Variants in RAD17 observed in about 807,000 individuals in gnomAD.
The protein encoded by RAD17 is RAD17 checkpoint clamp loader component.
Under a neutral mutation model 81.5 loss-of-function variants are expected in RAD17, and 31 were observed. That is an observed-to-expected ratio of 0.38 (90% CI 0.29 to 0.51). The LOEUF is 0.51. Ranked by LOEUF, RAD17 falls within the 20% of genes least tolerant of loss-of-function variation. RAD17 has a pLI of 0.88. For missense variants in RAD17, 681 were observed against 781.2 expected (o/e 0.87, Z 1.53); for synonymous variants, 261 against 266.2 (o/e 0.98, Z 0.19).
chr5:69,369,649 C>A (rs1416700213), upstream of RAD17: 1 of 1,561,124 alleles, frequency 6.4e-7, no homozygotes. Context: ...CCGCGGCCCA[C>A]TGGTTACCTG....
intron 6 of RAD17, among the ~76,000 whole-genome samples, chr5:69,380,723 A>G (rs1763801890): frequency 6.6e-6 from 1 of 151,204 alleles, no homozygotes; most frequent in Admixed American, 6.6e-5. Context: ...CACAACCTCT[A>G]GTCTCTCGTT....
Position 69,386,441 on chromosome 5 carries a change from A to G in RAD17, c.870A>G (p.Arg290=). ...APTIMMKFLN[R]IVTIEANKNG... is the part of the protein sequence containing the mutation. ...CAATTATGATGAAATTTCTTAATCGAATAGTGACTATAGAAGCTAACAAGG... is the reference window on the plus strand; with the variant it reads ...CAATTATGATGAAATTTCTTAATCGGATAGTGACTATAGAAGCTAACAAGG... Residue 290 remains arginine (R), a synonymous_variant, in exon 11 of 19, where the codon CGA becomes CGG. Transcript: ENST00000354868. 3 of 1,599,956 alleles carry G rather than the reference A, an allele frequency of 1.9e-6. No homozygotes were observed. The highest frequency in any genetic ancestry group is 2.6e-6 in the Non-Finnish European group (3 of 1,174,874).
chr5:69,385,977 T>C (rs962372611), intron 8 of RAD17, 66 bp from the exon 9 acceptor site: 4 of 1,380,140 alleles, frequency 2.9e-6, no homozygotes, highest in Middle Eastern at 5.3e-4. Flanking sequence ...TCAATAAATA[T>C]AAATTTGAAA....
rs758089405 is a variant in RAD17 at position 69,414,277 on chromosome 5, G to A, written c.1998G>A (p.Glu666=). 5.1e-5 allele frequency: 82 copies of A among 1,614,062 alleles called. No individual in the cohort carries two copies. The Middle Eastern group carries it at 9.9e-4, about 19-fold the overall frequency. Residue 666 remains glutamate (E), a synonymous_variant, in exon 19 of 19, where the codon GAG becomes GAA. Transcript: ENST00000354868. ...MEENIIIEDY[E]SDGT ...AAAACATAATAATAGAAGACTACGA[G>A]AGTGATGGGACATAGAAGCCAGCCT...
chr5:69,393,908 G>GTTTTTTTT lies in RAD17; in HGVS notation c.1422+424_1422+431dup, dbSNP rs34500104. On this transcript the variant is annotated intron_variant, in intron 15 of 18. Coordinates refer to ENST00000354868, the MANE Select transcript of RAD17 (RefSeq NM_133338.3). ...TGATTTTGTGTTTTGTGTTATGGTG[G>GTTTTTTTT]TTTTTTTTTTTTTTTTTTTTTTTGA... Among the ~76,000 whole-genome samples, 35 of 73,118 alleles carry GTTTTTTTT rather than the reference G, an allele frequency of 4.8e-4. 3 individuals are homozygous for GTTTTTTTT. The highest frequency in any genetic ancestry group is 1.4e-3 in the African/African-American group (27 of 18,700). The allele number at this position is 73,118 out of a possible 152,430, so 48.0% of individuals were successfully genotyped here. A position where few individuals can be genotyped will look rare whatever the true frequency, so the allele number is the denominator to read the frequency against.
chr5:69,392,323 GC>G (rs1393075235), intron 13 of RAD17, among the ~76,000 whole-genome samples: 2 of 152,172 alleles, frequency 1.3e-5, no homozygotes, highest in African/African-American at 2.4e-5. Context: ...GTAGCCTAAA[GC>G]CCTCTTAACA....
At chr5:69,393,563 G>A in intron 15 of RAD17, 63 bp downstream of exon 15, 1 of 1,458,350 alleles carries the variant, frequency 6.9e-7, no homozygotes, top group African/African-American at 1.4e-5. Flanking sequence ...AGAAAAGAAA[G>A]TTTACTTTTA....
chr5:69,375,960 C>T (rs1200802764), intron 6 of RAD17, among the ~76,000 whole-genome samples: 1 of 152,056 alleles, frequency 6.6e-6, no homozygotes, highest in Non-Finnish European at 1.5e-5. Flanking sequence ...GTTGTTTCCT[C>T]CTAATAATGA....
intron 7 of RAD17, among the ~76,000 whole-genome samples, chr5:69,382,728 G>A (rs1411794082): frequency 6.6e-6 from 1 of 152,148 alleles, no homozygotes; most frequent in Non-Finnish European, 1.5e-5. Context: ...TCAAATGAAA[G>A]CAAAAGACAA....
intron 6 of RAD17, among the ~76,000 whole-genome samples, chr5:69,379,816 T>G (rs1763733817): frequency 6.6e-6 from 1 of 152,082 alleles, no homozygotes; most frequent in African/African-American, 2.4e-5. Context: ...TGTCATCTCT[T>G]ATGACAACAG....
chr5:69,381,479 CAAA>C (rs57160119), intron 6 of RAD17, among the ~76,000 whole-genome samples: 1 of 133,330 alleles, frequency 7.5e-6, no homozygotes, highest in Non-Finnish European at 1.6e-5. Context: ...AGACTCGTCT[CAAA>C]AAAAAAAAAA....
At chr5:69,384,647 T>C in intron 7 of RAD17, 150 bp from the exon 8 acceptor site, 1 of 731,038 alleles carries the variant, frequency 1.4e-6, no homozygotes, top group South Asian at 2.6e-5. Context: ...GAAAGGAATA[T>C]CCTATTTTAA....
rs1159119624 is a variant in RAD17, at chr5:69,393,456, A to T, written c.1378A>T (p.Ser460Cys). The T allele has an allele frequency of 6.2e-7, 1 of 1,610,352 alleles. No homozygotes were observed. The highest frequency in any genetic ancestry group is 8.5e-7 in the Non-Finnish European group (1 of 1,178,794). The change falls in exon 15 of 19, where the codon AGT becomes TGT. Residue 460 changes from serine (S) to cysteine (C), a missense_variant. Physicochemically the swap from Ser to Cys is moderately radical, Grantham distance 112. Transcript: ENST00000354868. ...FMEIDDIVRA[S>C]EFLSFADILS... ...GGAAATTGATGATATTGTGAGAGCC[A>T]GTGAATTTCTGAGTTTTGCAGATAT...
rs1012663557 is a variant in RAD17 at position 69,378,963 on chromosome 5, C to T, written c.352-2938C>T. On this transcript the variant is annotated intron_variant, in intron 6 of 18. Coordinates refer to ENST00000354868, the MANE Select transcript of RAD17 (RefSeq NM_133338.3). ...CCATTAAAAAGTACAGTAAAAAGGC[C>T]GGGCTTGGTGGCTCAGGCCTATAAT... 5.3e-5 allele frequency among the ~76,000 whole-genome samples: 8 copies of T among 152,056 alleles called. 1 individual carries two copies. The South Asian group carries it at 1.0e-3, about 20-fold the overall frequency.
At chr5:69,407,663 A>G (rs1006568637) in intron 17 of RAD17, among the ~76,000 whole-genome samples, 1 of 125,638 alleles carries the variant, frequency 8.0e-6, no homozygotes, top group Non-Finnish European at 1.5e-5. Context: ...TGCAATCTCC[A>G]CCTCCTGAGT....
rs1160962163 is a variant in RAD17 at position 69,386,304 on chromosome 5, A to T, written c.823A>T (p.Ser275Cys). Residue 275 changes from serine (S) to cysteine (C), a missense_variant and splice_region_variant, in exon 10 of 19, where the codon AGT (serine) becomes TGT (cysteine). Ser to Cys is a moderately radical substitution (Grantham distance 112, BLOSUM62 -1). Coordinates refer to ENST00000354868, the MANE Select transcript of RAD17 (RefSeq NM_133338.3). ...GGAAGAGTGTTCTATCTCAAATATT[A>T]GGTAAGAAAGAAATTTCTGCTTATA... ...IQEECSISNI[S>C]FNPVAPTIMM... The T allele has an allele frequency of 1.9e-6, 3 of 1,591,678 alleles. No individual in the cohort carries two copies. The Admixed American group carries it at 5.3e-5, about 28-fold the overall frequency.
At chr5:69,388,006 A>T (rs1364687662) in intron 11 of RAD17, among the ~76,000 whole-genome samples, 1 of 152,176 alleles carries the variant, frequency 6.6e-6, no homozygotes, top group African/African-American at 2.4e-5. Flanking sequence ...TCATGGACAG[A>T]GCTAAACCCT....
In RAD17 at chr5:69,379,248, A is replaced by AT. The variant is rs556452576; in HGVS notation, c.352-2647dup. On this transcript the variant is annotated intron_variant, in intron 6 of 18. Coordinates refer to ENST00000354868, the MANE Select transcript of RAD17 (RefSeq NM_133338.3). The stretch of plus-strand genomic sequence containing the variant: ...AGAGACTTTGTCTCAAAAAAAAAAT[A>AT]TTTTTTGGTAAAAACATGGTTATAA... 4.6e-5 allele frequency among the ~76,000 whole-genome samples: 7 copies of AT among 152,238 alleles called. No homozygotes were observed. In the South Asian group the frequency reaches 1.4e-3, roughly 32 times the overall value.
chr5:69,377,462 T>TGC, intron 6 of RAD17, among the ~76,000 whole-genome samples: 1 of 4,998 alleles, frequency 2.0e-4, no homozygotes, highest in South Asian at 8.2e-3. Flanking sequence ...TATATATATA[T>TGC]ATATATATAT....
Sources: gnomAD v4.1 joint callset for allele counts (sites outside exome capture counted in the v4.1 genomes callset) on GRCh38, gnomAD v4.1.1 for gene constraint, MANE v1.5 for transcripts, NCBI Gene and HGNC (gene_info 2026-07-23, HGNC 2026-07-21) for gene names.